RANBP2: variants seen among roughly 807,000 people sequenced by gnomAD.
The protein encoded by RANBP2 is RAN binding protein 2, also known as E3 SUMO-protein ligase RanBP2.
In RANBP2, 57 loss-of-function variants were observed where a neutral mutation model predicts 303.6. That is an observed-to-expected ratio of 0.19 (90% CI 0.15 to 0.23). The LOEUF is 0.23. Among genes scored for constraint, RANBP2 ranks in the 10% least tolerant of loss-of-function variants. RANBP2 has a pLI of 1.00. For missense variants in RANBP2, 3,138 were observed against 3,780.8 expected (o/e 0.83, Z 4.46); for synonymous variants, 1,167 against 1,301.5 (o/e 0.90, Z 2.23).
the RANBP2 span, among the ~76,000 whole-genome samples, chr2:108,965,760 T>G: frequency 6.6e-6 from 1 of 151,964 alleles, no homozygotes; most frequent in Non-Finnish European, 1.5e-5. Context: ...GATGTGGTGG[T>G]GGGGGGCTGG....
the RANBP2 span, among the ~76,000 whole-genome samples, chr2:109,181,497 G>A: frequency 6.6e-5 from 10 of 151,758 alleles, no homozygotes; most frequent in South Asian, 6.2e-4. Context: ...ACACACACAC[G>A]CACACTAACA....
the RANBP2 span, among the ~76,000 whole-genome samples, chr2:109,671,677 G>A: frequency 6.6e-6 from 1 of 152,094 alleles, no homozygotes; most frequent in Non-Finnish European, 1.5e-5. Flanking sequence ...ATTGTTTTTT[G>A]TTGATGGTCT....
the RANBP2 span, among the ~76,000 whole-genome samples, chr2:109,049,587 GAC>G: frequency 1.3e-5 from 2 of 152,192 alleles, no homozygotes; most frequent in Admixed American, 6.5e-5. Flanking sequence ...GGTATCCAAG[GAC>G]AGAGGTGGGC....
At chr2:109,526,941 G>A in the RANBP2 span, among the ~76,000 whole-genome samples, 94 of 152,276 alleles carry the variant, frequency 6.2e-4, no homozygotes, top group African/African-American at 2.2e-3. Context: ...GAGCCTGCCT[G>A]CGTGGGGGCT....
chr2:109,017,075 A>T, the RANBP2 span, among the ~76,000 whole-genome samples: 1 of 152,242 alleles, frequency 6.6e-6, no homozygotes, highest in Non-Finnish European at 1.5e-5. Context: ...TGTGCTGAGC[A>T]TAGTTTCCTC....
chr2:109,454,693 G>C, the RANBP2 span, among the ~76,000 whole-genome samples: 3 of 152,158 alleles, frequency 2.0e-5, no homozygotes, highest in Non-Finnish European at 4.4e-5. Flanking sequence ...AACAGGGTAG[G>C]ATAGATCTTC....
chr2:109,501,888 G>C, the RANBP2 span: 1 of 529,734 alleles, frequency 1.9e-6, no homozygotes, highest in Non-Finnish European at 3.4e-6. Flanking sequence ...GTTCTTCAAG[G>C]AAATGCCCAC....
At chr2:109,362,183 C>T in the RANBP2 span, among the ~76,000 whole-genome samples, 3 of 152,020 alleles carry the variant, frequency 2.0e-5, no homozygotes, top group Admixed American at 2.0e-4. Flanking sequence ...TCCTTCTTTT[C>T]TAATCGATGC....
the RANBP2 span, among the ~76,000 whole-genome samples, chr2:108,866,624 C>T: frequency 5.3e-5 from 8 of 152,278 alleles, no homozygotes; most frequent in Non-Finnish European, 8.8e-5. Context: ...GTGGCTCATG[C>T]CTGTAATCCC....
At chr2:108,788,785 G>T (rs1679400112), downstream of RANBP2, 2 of 1,594,606 alleles carry the variant, frequency 1.3e-6, no homozygotes, top group Non-Finnish European at 1.7e-6. Context: ...TTAGACTTAT[G>T]GCCAGTGCCA....
intron 17 of RANBP2, among the ~76,000 whole-genome samples, chr2:108,755,770 C>G (rs1676263855): frequency 6.6e-6 from 1 of 151,984 alleles, no homozygotes; most frequent in South Asian, 2.1e-4. Flanking sequence ...GTTGCCCAGT[C>G]TGGAGTGCAG....
the RANBP2 span, among the ~76,000 whole-genome samples, chr2:109,218,365 T>C: frequency 1.3e-5 from 2 of 152,206 alleles, no homozygotes; most frequent in African/African-American, 2.4e-5. Flanking sequence ...ATTCAAAATA[T>C]GGGCTTCTGA....
chr2:109,436,895 T>C, the RANBP2 span: 1 of 1,612,974 alleles, frequency 6.2e-7, no homozygotes, highest in South Asian at 1.1e-5. Context: ...CTCCACAGGG[T>C]GCCTGCAGGA....
the RANBP2 span, among the ~76,000 whole-genome samples, chr2:109,664,706 G>A: frequency 1.3e-5 from 2 of 152,032 alleles, no homozygotes; most frequent in Non-Finnish European, 2.9e-5. Context: ...AAGGCAGGTG[G>A]ACCACCTTAG....
chr2:109,495,477 C>CTTTTTTTT, the RANBP2 span, among the ~76,000 whole-genome samples: 169 of 94,260 alleles, frequency 1.8e-3, 18 homozygotes, highest in African/African-American at 6.2e-3. Context: ...TCTTTCATTC[C>CTTTTTTTT]TTTTTTTTTT....
the RANBP2 span, among the ~76,000 whole-genome samples, chr2:108,825,787 A>G: frequency 0.8 from 121,237 of 152,128 alleles, 48,639 homozygotes; most frequent in East Asian, 0.95. Flanking sequence ...GTATGCACAT[A>G]TTTTTTCATT....
the RANBP2 span, among the ~76,000 whole-genome samples, chr2:108,955,977 C>T: frequency 2.0e-5 from 3 of 152,146 alleles, no homozygotes; most frequent in African/African-American, 4.8e-5. Context: ...TGCAGTGAGC[C>T]GAGATGGTGC....
the RANBP2 span, among the ~76,000 whole-genome samples, chr2:109,207,393 A>G: frequency 1.1e-4 from 17 of 152,218 alleles, no homozygotes; most frequent in African/African-American, 3.4e-4. Flanking sequence ...TGGAGACAAC[A>G]TAAGAAAAAG....
At chr2:108,864,234 C>A in the RANBP2 span, among the ~76,000 whole-genome samples, 1 of 151,770 alleles carries the variant, frequency 6.6e-6, no homozygotes, top group Non-Finnish European at 1.5e-5. Context: ...GTAGAAGAAG[C>A]TAAGAAAGCA....
Sources: allele counts gnomAD v4.1 joint callset (sites outside exome capture counted in the v4.1 genomes callset), GRCh38; gene constraint gnomAD v4.1.1; transcripts MANE v1.5; gene names NCBI Gene and HGNC (gene_info 2026-07-23, HGNC 2026-07-21).